SYT2: variants seen among roughly 807,000 people sequenced by gnomAD.
SYT2 encodes the protein synaptotagmin 2, also known as synaptotagmin-2.
In SYT2, 15 loss-of-function variants were observed where a neutral mutation model predicts 39.9. That is an observed-to-expected ratio of 0.38 (90% CI 0.25 to 0.58). SYT2 has a LOEUF of 0.58. Ranked by LOEUF, SYT2 falls within the 20% of genes least tolerant of loss-of-function variation. The pLI, the probability that SYT2 is intolerant of heterozygous loss-of-function variation, is 0.70. For missense variants in SYT2, 389 were observed against 530.3 expected, an observed-to-expected ratio of 0.73 and a Z score of 2.62; for synonymous variants, 181 against 204.5, an observed-to-expected ratio of 0.89 and a Z score of 0.98.
intron 6 of SYT2, 126 bp from the exon 7 acceptor site, chr1:202,600,600 C>T: frequency 1.3e-6 from 1 of 780,224 alleles, no homozygotes; most frequent in Non-Finnish European, 2.2e-6. Flanking sequence ...CACCAGTCCC[C>T]ATATATGTGA....
At position 202,643,855 on chromosome 1, in the gene SYT2, C is replaced by G. The variant is rs531024750; in HGVS notation, c.-17-38066G>C. On this transcript the variant is annotated intron_variant, in intron 1 of 8. Transcript: ENST00000367268. ...GAGGAGTCCCCGCCAGCTCCGTGCACTCCTGCAACACTCCCCACCCCACCC... is the reference window on the plus strand; with the variant it reads ...GAGGAGTCCCCGCCAGCTCCGTGCAGTCCTGCAACACTCCCCACCCCACCC... Among the ~76,000 whole-genome samples the G allele has an allele frequency of 7.2e-5, 11 of 152,266 alleles. No individual in the cohort carries two copies. In the East Asian group the frequency reaches 1.7e-3, roughly 24 times the overall value.
intron 8 of SYT2, among the ~76,000 whole-genome samples, chr1:202,598,518 T>C (rs1690379159): frequency 1.3e-5 from 2 of 151,964 alleles, no homozygotes; most frequent in South Asian, 4.1e-4. Flanking sequence ...CCCCCAGCCC[T>C]CCTGCGGGGA....
At position 202,593,039 on chromosome 1, in the gene SYT2, C is replaced by G. The variant is rs1346655581; in HGVS notation, c.*3718G>C. 6.6e-6 allele frequency: 1 copy of G among 152,230 alleles called. No individual in the cohort carries two copies. Among genetic ancestry groups the G allele is most frequent in the Non-Finnish European group, 1.5e-5 (1 of 68,048 alleles). 9.4% of individuals were successfully genotyped at this position (152,230 alleles called of 1,614,324 possible). On this transcript the variant is annotated 3_prime_UTR_variant, in exon 9 of 9. Transcript: ENST00000367268. ...GCCACCAGGATCTTGGGACTCCTCC[C>G]TGCCTGCCACCACCCAGGGCTCTGA...
At position 202,601,769 on chromosome 1, in the gene SYT2, G is replaced by T; in HGVS notation, c.801+121C>A. The T allele has an allele frequency of 9.5e-7, 1 of 1,048,286 alleles. No individual in the cohort carries two copies. The highest frequency in any genetic ancestry group is 1.4e-6 in the Non-Finnish European group (1 of 707,904). The allele number at this position is 1,048,286 out of a possible 1,614,324, so 64.9% of individuals were successfully genotyped here. On this transcript the variant is annotated intron_variant, in intron 6 of 8. Transcript: ENST00000367268. This position sits in a 1 kb window ranked among gnomAD's most constrained non-coding sequence, Gnocchi z 4.0. ...GGGTCACACAGCCAGGCAGTGTGGAGCTGGGATCCTAACACAGGTCGTCTG... is the reference window on the plus strand; with the variant it reads ...GGGTCACACAGCCAGGCAGTGTGGATCTGGGATCCTAACACAGGTCGTCTG...
At chr1:202,700,325 A>G (rs1477192594) in intron 1 of SYT2, among the ~76,000 whole-genome samples, 1 of 152,188 alleles carries the variant, frequency 6.6e-6, no homozygotes, top group Non-Finnish European at 1.5e-5. Context: ...CTGCCCTGTG[A>G]CACGAAGCCC....
intron 1 of SYT2, chr1:202,639,825 T>C: frequency 2.0e-6 from 2 of 985,418 alleles, no homozygotes; most frequent in South Asian, 4.7e-5. Context: ...ACACAGGACG[T>C]TGGGGCATTT....
At chr1:202,624,119 CGTGAGTGTGGTGGTGTGTGTGTGAT>C (rs1464436166) in intron 1 of SYT2, among the ~76,000 whole-genome samples, 1 of 151,874 alleles carries the variant, frequency 6.6e-6, no homozygotes, top group Non-Finnish European at 1.5e-5. Flanking sequence ...AATAGGAGTG[CGTGAGTGTGGTGGTGTGTGTGTGAT>C]GTGAGTGTGC....
chr1:202,596,967 C>G lies in SYT2; in HGVS notation c.1054-4G>C. The G allele has an allele frequency of 6.2e-7, 1 of 1,611,798 alleles. No individual in the cohort carries two copies. Reference sequence around the variant, plus strand: ...CGGTGACCACTACCTGGACTTTCTGCAAGGAAAACGAGGGAGGGAGTTGGC... The same window carrying G: ...CGGTGACCACTACCTGGACTTTCTGGAAGGAAAACGAGGGAGGGAGTTGGC... On this transcript the variant is annotated splice_polypyrimidine_tract_variant and splice_region_variant and intron_variant, in intron 8 of 8. Coordinates refer to ENST00000367268, the MANE Select transcript of SYT2 (RefSeq NM_177402.5).
At chr1:202,703,221 A>C (rs1488986891) in intron 1 of SYT2, among the ~76,000 whole-genome samples, 2 of 152,056 alleles carry the variant, frequency 1.3e-5, no homozygotes, top group Non-Finnish European at 2.9e-5. Flanking sequence ...TGGAAAGGAA[A>C]AAATGAGCAC....
At chr1:202,604,305 G>A (rs1572614544) in intron 3 of SYT2, 150 bp downstream of exon 3, 1 of 750,334 alleles carries the variant, frequency 1.3e-6, no homozygotes, top group Non-Finnish European at 2.3e-6. Flanking sequence ...GGTAGACGGT[G>A]TTATACTAGA....
At chr1:202,622,579 C>T (rs1691233218) in intron 1 of SYT2, among the ~76,000 whole-genome samples, 2 of 150,512 alleles carry the variant, frequency 1.3e-5, no homozygotes, top group Admixed American at 6.6e-5. Flanking sequence ...ACCTGATGGG[C>T]GCCTCAGAAT....
At chr1:202,653,346 A>G (rs1692225283) in intron 1 of SYT2, among the ~76,000 whole-genome samples, 1 of 152,080 alleles carries the variant, frequency 6.6e-6, no homozygotes. Flanking sequence ...TCATCACCTC[A>G]GTTCTGACTG....
chr1:202,630,398 G>C (rs1691550654), intron 1 of SYT2: 1 of 985,254 alleles, frequency 1.0e-6, no homozygotes, highest in Non-Finnish European at 1.2e-6. Flanking sequence ...ATGATGCACA[G>C]GCGCTTCTGC....
rs996868925 is a variant in SYT2, at chr1:202,592,909, A to G, written c.*3848T>C. The G allele has an allele frequency of 1.3e-5, 2 of 152,250 alleles. No homozygotes were observed. Among genetic ancestry groups the G allele is most frequent in the African/African-American group, 4.8e-5 (2 of 41,468 alleles). 9.4% of individuals were successfully genotyped at this position (152,250 alleles called of 1,614,324 possible). A position where few individuals can be genotyped will look rare whatever the true frequency, so the allele number is the denominator to read the frequency against. On this transcript the variant is annotated 3_prime_UTR_variant, in exon 9 of 9. Transcript: ENST00000367268. Reference sequence around the variant, plus strand: ...TATGTCCCAACTATTTGCCTAGGACATATTTACACTTAATAATTGTTTGTT... The same window carrying G: ...TATGTCCCAACTATTTGCCTAGGACGTATTTACACTTAATAATTGTTTGTT...
chr1:202,680,346 T>C (rs551294272), intron 1 of SYT2, among the ~76,000 whole-genome samples: 17 of 152,316 alleles, frequency 1.1e-4, no homozygotes, highest in African/African-American at 3.8e-4. Flanking sequence ...TTGTGAATGA[T>C]TCTTTCTCTC....
intron 1 of SYT2, among the ~76,000 whole-genome samples, chr1:202,633,875 C>T (rs1193681263): frequency 2.0e-5 from 3 of 152,200 alleles, no homozygotes; most frequent in Admixed American, 2.0e-4. Context: ...AGTCAGACAG[C>T]GAAATGCAAG....
At chr1:202,638,572 T>C (rs148620285) in intron 1 of SYT2, among the ~76,000 whole-genome samples, 8 of 152,236 alleles carry the variant, frequency 5.3e-5, no homozygotes, top group African/African-American at 1.9e-4. Context: ...ATAAGGGAAA[T>C]TTATTAGGGA....
chr1:202,697,151 G>A (rs1278946393), intron 1 of SYT2, among the ~76,000 whole-genome samples: 1 of 152,214 alleles, frequency 6.6e-6, no homozygotes, highest in Non-Finnish European at 1.5e-5. Context: ...ACAGGGTCTG[G>A]AAAGGCAGCA....
chr1:202,618,039 A>G (rs565912561), intron 1 of SYT2, among the ~76,000 whole-genome samples: 1 of 152,188 alleles, frequency 6.6e-6, no homozygotes, highest in East Asian at 1.9e-4. Flanking sequence ...AGTAGCTGGG[A>G]TTACAGGTGC....
Sources: gnomAD v4.1 joint callset for allele counts (sites outside exome capture counted in the v4.1 genomes callset) on GRCh38, gnomAD v4.1.1 for gene constraint, Gnocchi (gnomAD v3.1) non-coding constraint, MANE v1.5 for transcripts, NCBI Gene and HGNC (gene_info 2026-07-23, HGNC 2026-07-21) for gene names.